SNTG2: variants seen among roughly 807,000 people sequenced by gnomAD.
The protein encoded by SNTG2 is syntrophin gamma 2.
In SNTG2, 74 loss-of-function variants were observed where a neutral mutation model predicts 70.9. The ratio of observed to expected loss-of-function variants is 1.04; its 90% CI spans 0.86 to 1.27. The LOEUF (loss-of-function observed/expected upper bound fraction) is 1.27. Ranked by LOEUF, SNTG2 falls within the 50% of genes most tolerant of loss-of-function variation. SNTG2 has a pLI of 0.00. For synonymous variants in SNTG2, 278 were observed against 273.8 expected, an observed-to-expected ratio of 1.02 and a Z score of -0.15; for missense variants, 717 against 690.7, an observed-to-expected ratio of 1.04 and a Z score of -0.43.
intron 1 of SNTG2, among the ~76,000 whole-genome samples, chr2:1,031,532 T>A (rs201249126): frequency 0.29 from 11,509 of 39,390 alleles, 1,250 homozygotes; most frequent in East Asian, 0.72. Flanking sequence ...ATATATATTT[T>A]TTTTTTTTTT....
At chr2:1,109,329 G>T (rs572298755) in intron 4 of SNTG2, among the ~76,000 whole-genome samples, 1 of 152,086 alleles carries the variant, frequency 6.6e-6, no homozygotes, top group South Asian at 2.1e-4. Context: ...CAAAACTTTC[G>T]AAACCGAAGC....
chr2:1,002,481 G>A (rs1306998411), intron 1 of SNTG2, among the ~76,000 whole-genome samples: 2 of 151,962 alleles, frequency 1.3e-5, no homozygotes, highest in African/African-American at 4.8e-5. Context: ...CAAACAAATG[G>A]TTACAAGCAT....
intron 12 of SNTG2, among the ~76,000 whole-genome samples, chr2:1,258,118 G>A (rs1678225861): frequency 6.6e-6 from 1 of 152,206 alleles, no homozygotes; most frequent in Admixed American, 6.5e-5. Flanking sequence ...GGTGGGAACG[G>A]GAGGAGTGGG....
At position 1,101,085 on chromosome 2, in the gene SNTG2, T is replaced by C. The variant is rs560246542; in HGVS notation, c.325+2675T>C. ...ATGCTGATGCCATTCTCTTCTGACA[T>C]TGGAAGCTTCACAAGTAACTCCAGT... is the stretch of plus-strand genomic sequence containing the variant. On this transcript the variant is annotated intron_variant, in intron 4 of 16. Transcript: ENST00000308624. Among the ~76,000 whole-genome samples, 12 of 152,296 alleles carry C rather than the reference T, an allele frequency of 7.9e-5. No individual in the cohort carries two copies. The East Asian group carries it at 1.2e-3, about 15-fold the overall frequency.
chr2:1,278,933 CT>C (rs1679387615), intron 14 of SNTG2, among the ~76,000 whole-genome samples: 1 of 149,830 alleles, frequency 6.7e-6, no homozygotes, highest in East Asian at 2.0e-4. Flanking sequence ...CGAATCACCC[CT>C]GTCAGTGCGC....
chr2:1,072,604 G>A (rs1365412257), intron 1 of SNTG2, among the ~76,000 whole-genome samples: 1 of 152,062 alleles, frequency 6.6e-6, no homozygotes, highest in African/African-American at 2.4e-5. Flanking sequence ...AGACATACAG[G>A]GAGATTGAGG....
chr2:1,224,212 C>A (rs1017065720), intron 9 of SNTG2, among the ~76,000 whole-genome samples: 4 of 152,188 alleles, frequency 2.6e-5, no homozygotes, highest in Non-Finnish European at 5.9e-5. Context: ...CAACACTGAA[C>A]GTTTGGGGAG....
intron 1 of SNTG2, among the ~76,000 whole-genome samples, chr2:988,294 A>G (rs1056340122): frequency 6.6e-6 from 1 of 151,986 alleles, no homozygotes; most frequent in Non-Finnish European, 1.5e-5. Context: ...AAGATTAGAC[A>G]CTCATGACCC....
chr2:1,109,538 C>A (rs1666304901), intron 4 of SNTG2, among the ~76,000 whole-genome samples: 1 of 152,092 alleles, frequency 6.6e-6, no homozygotes, highest in Non-Finnish European at 1.5e-5. Flanking sequence ...TTTCATAGGG[C>A]AGCAGATAAA....
chr2:1,119,276 G>T (rs1293905106), intron 4 of SNTG2, among the ~76,000 whole-genome samples: 6 of 152,144 alleles, frequency 3.9e-5, no homozygotes, highest in African/African-American at 1.4e-4. Context: ...TATCTGAAAT[G>T]CTTAAAGGAG....
rs1673871855 is a variant in SNTG2 at position 1,209,177 on chromosome 2, G to A, written c.666G>A (p.Val222=). The A allele has an allele frequency of 6.2e-7, 1 of 1,613,962 alleles. No homozygotes were observed. ...YEKRWLDTLS[V]PLSMARISRY... ...AGCGCTGGCTGGACACCTTGTCCGT[G>A]CCTCTGTCCATGGCTCGCATCTCAA... is the stretch of plus-strand genomic sequence containing the variant. Residue 222 remains valine (V), a synonymous_variant, in exon 9 of 17, where the codon GTG becomes GTA. Transcript: ENST00000308624.
intron 12 of SNTG2, among the ~76,000 whole-genome samples, chr2:1,256,984 C>A (rs1460984389): frequency 6.6e-6 from 1 of 150,472 alleles, no homozygotes; most frequent in East Asian, 2.0e-4. Context: ...TTAATTAATA[C>A]ACTTGTTTTT....
intron 6 of SNTG2, among the ~76,000 whole-genome samples, chr2:1,156,907 G>A (rs2147827764): frequency 6.6e-6 from 1 of 152,216 alleles, no homozygotes; most frequent in African/African-American, 2.4e-5. Flanking sequence ...GATTGGATGT[G>A]TGGCTGAGGA....
chr2:951,060 C>T lies in SNTG2; in HGVS notation c.64C>T (p.Pro22Ser). The change falls in exon 1 of 17, where the codon CCT becomes TCT. Residue 22 changes from proline (P) to serine (S), a missense_variant. Physicochemically the swap from Pro to Ser is moderately conservative, Grantham distance 74. Coordinates refer to ENST00000308624, the MANE Select transcript of SNTG2 (RefSeq NM_018968.4). ...SRGRQGCLLV[P>S]ARTKTTIALL... is the part of the protein sequence containing the mutation. The stretch of plus-strand genomic sequence containing the variant: ...CGGACGCCAGGGCTGCCTGCTGGTA[C>T]CTGCGCGGGTGAGTGCGGCCCCTCA... 7.9e-7 allele frequency: 1 copy of T among 1,271,028 alleles called. No individual in the cohort carries two copies. The highest frequency in any genetic ancestry group is 9.9e-7 in the Non-Finnish European group (1 of 1,011,640). The allele number at this position is 1,271,028 out of a possible 1,614,324, so 78.7% of individuals were successfully genotyped here.
intron 6 of SNTG2, among the ~76,000 whole-genome samples, chr2:1,144,428 T>G (rs1668965691): frequency 6.6e-6 from 1 of 152,156 alleles, no homozygotes; most frequent in Non-Finnish European, 1.5e-5. Flanking sequence ...GAAGATCACA[T>G]GAAGAATTCA....
chr2:1,285,781 G>T (rs895115980), intron 14 of SNTG2, among the ~76,000 whole-genome samples: 3 of 127,454 alleles, frequency 2.4e-5, no homozygotes, highest in African/African-American at 9.1e-5. Flanking sequence ...CACCTCAGCA[G>T]GTCGTGTTTT....
chr2:1,247,059 T>C (rs930075450), intron 11 of SNTG2, among the ~76,000 whole-genome samples: 3 of 152,188 alleles, frequency 2.0e-5, no homozygotes, highest in Non-Finnish European at 4.4e-5. Flanking sequence ...CCAACAACTC[T>C]AAGGCAGCTG....
intron 4 of SNTG2, among the ~76,000 whole-genome samples, chr2:1,124,698 A>G (rs987500176): frequency 1.3e-5 from 2 of 152,174 alleles, no homozygotes; most frequent in African/African-American, 4.8e-5. Context: ...AAAGGGAAAT[A>G]CCACATGACC....
At chr2:1,081,633 G>A (rs1300769569) in intron 1 of SNTG2, among the ~76,000 whole-genome samples, 4 of 152,214 alleles carry the variant, frequency 2.6e-5, no homozygotes, top group Admixed American at 6.5e-5. Context: ...GCTGCCCTTG[G>A]TGCCTCCACA....
Sources: allele counts gnomAD v4.1 joint callset (sites outside exome capture counted in the v4.1 genomes callset), GRCh38; gene constraint gnomAD v4.1.1; transcripts MANE v1.5; gene names NCBI Gene and HGNC (gene_info 2026-07-23, HGNC 2026-07-21).